The following CPLX1 variants were observed in gnomAD, a reference collection of about 807,000 sequenced individuals.
The protein encoded by CPLX1 is complexin-1.
In CPLX1, 6 loss-of-function variants were observed where a neutral mutation model predicts 15.6. The observed-to-expected ratio is 0.39, with a 90% CI of 0.21 to 0.76. CPLX1 has a LOEUF of 0.76. CPLX1 is among the 30% of genes least tolerant of loss of function. The pLI is 0.43. For synonymous variants in CPLX1, 91 were observed against 75.2 expected (o/e 1.21, Z -1.08); for missense variants, 242 against 188.6 (o/e 1.28, Z -1.66).
intron 1 of CPLX1, 34 bp from the exon 2 acceptor site, chr4:824,635 A>G (rs2152649268): frequency 8.5e-7 from 1 of 1,173,936 alleles, no homozygotes; most frequent in South Asian, 1.2e-5. Context: ...AGGTCACCCT[A>G]AGCAGGCCCC....
chr4:802,660 C>T (rs1055520098), intron 2 of CPLX1, among the ~76,000 whole-genome samples: 3 of 152,132 alleles, frequency 2.0e-5, no homozygotes, highest in African/African-American at 7.2e-5. Context: ...GTAAAAATTC[C>T]AGAAAGCAGC....
intron 2 of CPLX1, among the ~76,000 whole-genome samples, chr4:805,723 A>T (rs530990230): frequency 6.6e-6 from 1 of 152,380 alleles, no homozygotes; most frequent in Non-Finnish European, 1.5e-5. Flanking sequence ...CAGCAGATGA[A>T]TGGACAAGCA....
At chr4:788,461 AGCAGCCCCTGC>A (rs1464881610) in intron 3 of CPLX1, 1 of 985,332 alleles carries the variant, frequency 1.0e-6, no homozygotes, top group Non-Finnish European at 1.2e-6. Context: ...CCTAGTCCTC[AGCAGCCCCTGC>A]GCACTCTTGA....
intron 2 of CPLX1, among the ~76,000 whole-genome samples, chr4:808,095 G>A (rs1746591325): frequency 6.6e-6 from 1 of 151,960 alleles, no homozygotes; most frequent in African/African-American, 2.4e-5. Context: ...GCAAAACCCT[G>A]TCTCCACAAA....
At chr4:803,237 G>T (rs73207759) in intron 2 of CPLX1, among the ~76,000 whole-genome samples, 7,737 of 152,342 alleles carry the variant, frequency 0.051, 279 homozygotes, top group East Asian at 0.12. Flanking sequence ...ACACACAGCT[G>T]CCGCTGCGAT....
rs1746936726 is a variant in CPLX1, at chr4:824,507, T to G, written c.16A>C (p.Lys6Gln). 4 of 1,612,744 alleles carry G rather than the reference T, an allele frequency of 2.5e-6. No homozygotes were observed. The highest frequency in any genetic ancestry group is 3.4e-6 in the Non-Finnish European group (4 of 1,179,768). The change falls in exon 2 of 4, where the codon AAG becomes CAG. Residue 6 changes from lysine to glutamine, a missense_variant. Physicochemically the swap from Lys to Gln is moderately conservative, Grantham distance 53 (BLOSUM62 1). Transcript: ENST00000304062. The part of the protein sequence containing the change: MEFVM[K>Q]QALGGATKDM... ...CGCTTCCTACCTCCTAGAGCCTGCT[T>G]CATCACAAACTCCATGGCGATTGCT...
intron 2 of CPLX1, among the ~76,000 whole-genome samples, chr4:822,183 T>C (rs1042562838): frequency 6.6e-6 from 1 of 151,612 alleles, no homozygotes; most frequent in African/African-American, 2.4e-5. Flanking sequence ...CATCTCTGTC[T>C]CTCCCTCTGT....
chr4:817,940 G>A (rs1746791820), intron 2 of CPLX1, among the ~76,000 whole-genome samples: 1 of 152,196 alleles, frequency 6.6e-6, no homozygotes, highest in South Asian at 2.1e-4. Context: ...AGCATCTGAG[G>A]AGCCAAGTCT....
chr4:811,457 C>T (rs1409078445), intron 2 of CPLX1, among the ~76,000 whole-genome samples: 1 of 152,204 alleles, frequency 6.6e-6, no homozygotes, highest in Non-Finnish European at 1.5e-5. Flanking sequence ...CTAATTTCCA[C>T]TTTGATTTCT....
At chr4:791,302 C>A (rs970187285) in intron 3 of CPLX1, among the ~76,000 whole-genome samples, 2 of 151,702 alleles carry the variant, frequency 1.3e-5, no homozygotes, top group African/African-American at 4.8e-5. Flanking sequence ...GCGCCCGGCC[C>A]CCACTCCCCA....
chr4:786,865 G>GT (rs1746010262), intron 3 of CPLX1, 167 bp from the exon 4 acceptor site: 1 of 983,824 alleles, frequency 1.0e-6, no homozygotes, highest in Non-Finnish European at 1.2e-6. Flanking sequence ...ACCCCGGGGG[G>GT]TCCCTGGAGG....
At chr4:807,630 A>G (rs1486210092) in intron 2 of CPLX1, among the ~76,000 whole-genome samples, 1 of 151,912 alleles carries the variant, frequency 6.6e-6, no homozygotes, top group Non-Finnish European at 1.5e-5. Context: ...AGGTGCCACC[A>G]TGCCCGGCCA....
chr4:805,421 C>A (rs1333153288), intron 2 of CPLX1, among the ~76,000 whole-genome samples: 1 of 152,176 alleles, frequency 6.6e-6, no homozygotes, highest in African/African-American at 2.4e-5. Flanking sequence ...CTCACACCCA[C>A]TCAGACGGCT....
chr4:824,931 C>T, intron 1 of CPLX1: 1 of 379,688 alleles, frequency 2.6e-6, no homozygotes, highest in Non-Finnish European at 5.1e-6. Context: ...GTGACTGCTC[C>T]GCTCTGCAGC....
chr4:793,179 G>C (rs955612166), intron 2 of CPLX1, among the ~76,000 whole-genome samples: 1 of 152,188 alleles, frequency 6.6e-6, no homozygotes, highest in African/African-American at 2.4e-5. Flanking sequence ...TGGAGGTGGT[G>C]CGGTTCAGCC....
intron 2 of CPLX1, among the ~76,000 whole-genome samples, chr4:805,108 T>C (rs1746531444): frequency 6.6e-6 from 1 of 152,104 alleles, no homozygotes; most frequent in Non-Finnish European, 1.5e-5. Context: ...CCATCGCACA[T>C]CCACACAGGG....
At chr4:791,901 G>A (rs920930245) in intron 3 of CPLX1, among the ~76,000 whole-genome samples, 1 of 152,220 alleles carries the variant, frequency 6.6e-6, no homozygotes, top group South Asian at 2.1e-4. Context: ...CACCGAGGAA[G>A]CCGGAGCGGC....
At chr4:818,642 C>T (rs553125784) in intron 2 of CPLX1, among the ~76,000 whole-genome samples, 5 of 152,368 alleles carry the variant, frequency 3.3e-5, no homozygotes, top group Admixed American at 2.0e-4. Context: ...ATGTGAGTGA[C>T]GGGAAGAGGC....
intron 2 of CPLX1, among the ~76,000 whole-genome samples, chr4:817,086 T>G (rs148707613): frequency 5.4e-4 from 82 of 152,192 alleles, no homozygotes; most frequent in African/African-American, 1.8e-3. Flanking sequence ...TGACAGAGGT[T>G]AGATCACATA....
Sources: gnomAD v4.1 joint callset for allele counts (sites outside exome capture counted in the v4.1 genomes callset) on GRCh38, gnomAD v4.1.1 for gene constraint, MANE v1.5 for transcripts, NCBI Gene and HGNC (gene_info 2026-07-23, HGNC 2026-07-21) for gene names.